Variants in GPM6A observed in about 807,000 individuals in gnomAD.
GPM6A encodes the protein glycoprotein M6A.
GPM6A carries 7 observed loss-of-function variants against 32.1 expected under a neutral mutation model. That is an observed-to-expected ratio of 0.22 (90% CI 0.12 to 0.41). The LOEUF (loss-of-function observed/expected upper bound fraction) is 0.41, where lower values mean the gene tolerates loss of function less well. Among genes scored for constraint, GPM6A ranks in the 10% least tolerant of loss-of-function variants. GPM6A has a pLI of 1.00. For missense variants in GPM6A, 235 were observed against 347.2 expected (o/e 0.68, Z 2.57); for synonymous variants, 130 against 123.4 (o/e 1.05, Z -0.35).
rs771929602 is a variant in GPM6A at position 175,640,765 on chromosome 4, G to A, written c.606C>T (p.Cys202=). ...TAAAAACACTCACCTCAGTAGATTCGCACATCCTCAAGAAATTCTCAGAGA... is the reference window on the plus strand; with the variant it reads ...TAAAAACACTCACCTCAGTAGATTCACACATCCTCAAGAAATTCTCAGAGA... ...CTVSENFLRM[C]ESTELNMTFH... The change falls in exon 5 of 7, where the codon TGC becomes TGT. Residue 202 remains cysteine (C), a synonymous_variant. Transcript: ENST00000393658. 11 of 1,604,440 alleles carry A rather than the reference G, an allele frequency of 6.9e-6. No homozygotes were observed. Among genetic ancestry groups the A allele is most frequent in the Middle Eastern group, 1.7e-4 (1 of 6,050 alleles).
At chr4:175,676,282 T>C (rs1171190814) in intron 2 of GPM6A, among the ~76,000 whole-genome samples, 1 of 152,160 alleles carries the variant, frequency 6.6e-6, no homozygotes, top group Non-Finnish European at 1.5e-5. Flanking sequence ...ATACAGGATC[T>C]GCCAGCCTTG....
intron 1 of GPM6A, among the ~76,000 whole-genome samples, chr4:175,843,068 T>C (rs753874306): frequency 4.6e-5 from 7 of 151,712 alleles, no homozygotes; most frequent in East Asian, 1.9e-4. Context: ...TAGGTAGATA[T>C]AGCAAACTTC....
chr4:175,664,180 G>A (rs1453827049), intron 3 of GPM6A, among the ~76,000 whole-genome samples: 2 of 152,200 alleles, frequency 1.3e-5, no homozygotes, highest in African/African-American at 2.4e-5. Flanking sequence ...GTCTATAGGG[G>A]TTGGGGGTGA....
intron 1 of GPM6A, among the ~76,000 whole-genome samples, chr4:175,887,767 T>C (rs1485078121): frequency 6.6e-6 from 1 of 151,896 alleles, no homozygotes; most frequent in Non-Finnish European, 1.5e-5. Context: ...TTGAAAATGT[T>C]GATGAAATTC....
At position 175,924,418 on chromosome 4, in the gene GPM6A, C is replaced by T. The variant is rs150337600; in HGVS notation, c.-23+77891G>A. Among the ~76,000 whole-genome samples, 693 of 151,944 alleles carry T rather than the reference C, an allele frequency of 4.6e-3. 11 individuals are homozygous for T. Among genetic ancestry groups the T allele is most frequent in the African/African-American group, 0.016 (655 of 41,418 alleles). On this transcript the variant is annotated intron_variant, in intron 1 of 7. Transcript: ENST00000280187. ...GTGCTGTGGCCCTTGCTAAAGACTG[C>T]GAAAGGAACACAGCAGACAGGCCAC...
chr4:175,778,983 AT>A (rs1490555868), intron 1 of GPM6A, among the ~76,000 whole-genome samples: 2 of 151,944 alleles, frequency 1.3e-5, no homozygotes, highest in Non-Finnish European at 2.9e-5. Flanking sequence ...AAATTTACTA[AT>A]TTTTTACAAA....
intron 1 of GPM6A, among the ~76,000 whole-genome samples, chr4:175,908,625 G>A (rs74708489): frequency 0.044 from 6,677 of 152,202 alleles, 389 homozygotes; most frequent in East Asian, 0.25. Context: ...TTATAGGAAA[G>A]TTGCCTTAGC....
At chr4:175,807,391 T>C (rs1734736880) in intron 1 of GPM6A, 1 of 152,222 alleles carries the variant, frequency 6.6e-6, no homozygotes, top group Non-Finnish European at 1.5e-5. Flanking sequence ...AGCCTCTTTA[T>C]GTAAGACTCC....
At chr4:175,661,505 G>A (rs756602090) in intron 3 of GPM6A, among the ~76,000 whole-genome samples, 6 of 151,718 alleles carry the variant, frequency 4.0e-5, no homozygotes, top group Non-Finnish European at 8.8e-5. Flanking sequence ...TTGAAAAGGA[G>A]CAATGAAGAA....
chr4:175,869,781 C>CAAA (rs916864929), intron 1 of GPM6A, among the ~76,000 whole-genome samples: 2 of 66,450 alleles, frequency 3.0e-5, no homozygotes, highest in African/African-American at 1.4e-4. Flanking sequence ...CAAAAACAAA[C>CAAA]AAAAAAAAAT....
intron 1 of GPM6A, among the ~76,000 whole-genome samples, chr4:175,876,257 G>T (rs548482621): frequency 1.3e-5 from 2 of 152,254 alleles, no homozygotes; most frequent in South Asian, 4.1e-4. Flanking sequence ...GCAGTTTCAT[G>T]AAGTAGCTCA....
At chr4:175,740,959 A>T in intron 1 of GPM6A, among the ~76,000 whole-genome samples, 1 of 151,988 alleles carries the variant, frequency 6.6e-6, no homozygotes, top group East Asian at 1.9e-4. Context: ...GGTGTTCAGA[A>T]ATGCATGTTG....
At chr4:175,796,467 T>G (rs6849661) in intron 1 of GPM6A, among the ~76,000 whole-genome samples, 18,741 of 152,178 alleles carry the variant, frequency 0.12, 1,858 homozygotes, top group African/African-American at 0.28. Context: ...ATGAGAAAAT[T>G]AAGTCTCTTG....
At chr4:175,842,247 G>T (rs184697963) in intron 1 of GPM6A, among the ~76,000 whole-genome samples, 3 of 152,052 alleles carry the variant, frequency 2.0e-5, no homozygotes, top group African/African-American at 7.2e-5. Context: ...TAGCATTAAC[G>T]TATGTAAAAT....
At chr4:175,805,061 C>T (rs185901415) in intron 1 of GPM6A, among the ~76,000 whole-genome samples, 2 of 150,992 alleles carry the variant, frequency 1.3e-5, no homozygotes, top group African/African-American at 2.4e-5. Flanking sequence ...AAAAACAAAA[C>T]AAAACAAAAA....
chr4:175,775,124 C>A (rs895147020), intron 1 of GPM6A, among the ~76,000 whole-genome samples: 1 of 152,070 alleles, frequency 6.6e-6, no homozygotes, highest in Admixed American at 6.5e-5. Context: ...AGGCAGAAAT[C>A]TTTGGAAGTA....
At chr4:176,002,302 C>A in intron 1 of GPM6A, 1 of 1,600,478 alleles carries the variant, frequency 6.2e-7, no homozygotes, top group East Asian at 2.3e-5. Context: ...CCCGCCCGCG[C>A]ACTCACCCAT....
At chr4:175,934,120 A>C (rs1196362354) in intron 1 of GPM6A, among the ~76,000 whole-genome samples, 1 of 152,226 alleles carries the variant, frequency 6.6e-6, no homozygotes, top group Non-Finnish European at 1.5e-5. Context: ...GCAAAGAATA[A>C]AAGGGTTTTT....
intron 3 of GPM6A, among the ~76,000 whole-genome samples, chr4:175,658,428 G>A (rs557362909): frequency 1.3e-5 from 2 of 152,188 alleles, no homozygotes; most frequent in African/African-American, 2.4e-5. Context: ...GGGGGTGAGA[G>A]GGCTGAATAG....
Sources: gnomAD v4.1 joint callset for allele counts (sites outside exome capture counted in the v4.1 genomes callset) on GRCh38, gnomAD v4.1.1 for gene constraint, MANE v1.5 for transcripts, NCBI Gene and HGNC (gene_info 2026-07-23, HGNC 2026-07-21) for gene names.